CNTN6: variants seen among roughly 807,000 people sequenced by gnomAD.
The protein encoded by CNTN6 is contactin-6.
CNTN6 carries 137 observed loss-of-function variants against 122.8 expected under a neutral mutation model. The observed-to-expected ratio is 1.12, with a 90% confidence interval of 0.97 to 1.29. The LOEUF (loss-of-function observed/expected upper bound fraction) is 1.29, where lower values mean the gene tolerates loss of function less well. CNTN6 is among the 50% of genes most tolerant of loss of function. The probability of loss-of-function intolerance (pLI) is 0.00; values close to 1 mark genes in which losing one functional copy is unlikely to be tolerated. For missense variants in CNTN6, 1,634 were observed against 1,223.4 expected, an observed-to-expected ratio of 1.34 and a Z score of -5.01; for synonymous variants, 570 against 426.0, an observed-to-expected ratio of 1.34 and a Z score of -4.16.
chr3:1,375,648 T>G (rs1202362192), intron 16 of CNTN6, among the ~76,000 whole-genome samples: 4 of 152,098 alleles, frequency 2.6e-5, no homozygotes, highest in Non-Finnish European at 5.9e-5. Context: ...CACTATAAAT[T>G]CAGCAACTCT....
intron 3 of CNTN6, among the ~76,000 whole-genome samples, chr3:1,222,916 T>C (rs1379487186): frequency 6.6e-6 from 1 of 152,080 alleles, no homozygotes; most frequent in Non-Finnish European, 1.5e-5. Flanking sequence ...CAAGAAACTA[T>C]GGAAAGAGAG....
At chr3:1,228,515 T>A (rs370788142) in intron 4 of CNTN6, among the ~76,000 whole-genome samples, 115 of 152,276 alleles carry the variant, frequency 7.6e-4, no homozygotes, top group Middle Eastern at 3.4e-3. Flanking sequence ...ATCCAAGTAA[T>A]TACCCTGGTG....
At chr3:1,255,520 A>G (rs1310579822) in intron 4 of CNTN6, among the ~76,000 whole-genome samples, 2 of 152,244 alleles carry the variant, frequency 1.3e-5, no homozygotes, top group East Asian at 3.9e-4. Context: ...CAGGGACCAT[A>G]TTATGCTGGC....
chr3:1,317,241 T>C lies in CNTN6; in HGVS notation c.762-4409T>C, dbSNP rs561015413. On this transcript the variant is annotated intron_variant, in intron 7 of 22. Transcript: ENST00000446702. ...TTATTTTTTGATAATTTGTTGTTTT[T>C]TCTTGCTGTGAGGATTCTAAAATAT... Among the ~76,000 whole-genome samples, 9 of 151,758 alleles carry C rather than the reference T, an allele frequency of 5.9e-5. No homozygotes were observed. The East Asian group carries it at 1.8e-3, about 30-fold the overall frequency.
At chr3:1,304,681 G>A (rs373417102) in intron 7 of CNTN6, among the ~76,000 whole-genome samples, 5 of 152,168 alleles carry the variant, frequency 3.3e-5, no homozygotes, top group East Asian at 1.9e-4. Flanking sequence ...CAACAAGTAA[G>A]TTTTAATTTT....
intron 4 of CNTN6, among the ~76,000 whole-genome samples, chr3:1,278,102 GGACA>G (rs1692743976): frequency 6.6e-6 from 1 of 152,136 alleles, no homozygotes; most frequent in African/African-American, 2.4e-5. Flanking sequence ...CACCTTCCTT[GGACA>G]GACAAAGTAA....
intron 1 of CNTN6, among the ~76,000 whole-genome samples, chr3:1,113,905 C>G (rs1176755352): frequency 6.6e-6 from 1 of 152,170 alleles, no homozygotes; most frequent in South Asian, 2.1e-4. Context: ...AGATATCTCT[C>G]CATGACTACA....
chr3:1,254,185 T>C (rs936633668), intron 4 of CNTN6, among the ~76,000 whole-genome samples: 4 of 152,188 alleles, frequency 2.6e-5, no homozygotes, highest in Non-Finnish European at 4.4e-5. Context: ...TTTCATCTCG[T>C]GCTTTCTTTC....
At chr3:1,335,599 T>G (rs922048856) in intron 11 of CNTN6, among the ~76,000 whole-genome samples, 1 of 152,158 alleles carries the variant, frequency 6.6e-6, no homozygotes. Context: ...TTCAATGTTG[T>G]TCTCTGACAG....
intron 12 of CNTN6, among the ~76,000 whole-genome samples, chr3:1,358,565 A>G (rs533451914): frequency 6.6e-6 from 1 of 151,976 alleles, no homozygotes; most frequent in South Asian, 2.1e-4. Flanking sequence ...GCAAGTAGTT[A>G]CCAAATGCTT....
intron 7 of CNTN6, among the ~76,000 whole-genome samples, chr3:1,313,289 A>G (rs1699647869): frequency 6.6e-6 from 1 of 152,116 alleles, no homozygotes; most frequent in Non-Finnish European, 1.5e-5. Context: ...TTCATGTTTC[A>G]TGTGCAGATT....
At chr3:1,308,997 T>A (rs1434846461) in intron 7 of CNTN6, among the ~76,000 whole-genome samples, 1 of 152,208 alleles carries the variant, frequency 6.6e-6, no homozygotes, top group Non-Finnish European at 1.5e-5. Flanking sequence ...TTCTTATTGA[T>A]GAGCTTTAAG....
chr3:1,202,458 G>T (rs143762649), intron 2 of CNTN6, among the ~76,000 whole-genome samples: 50 of 149,340 alleles, frequency 3.3e-4, no homozygotes, highest in East Asian at 2.3e-3. Context: ...GAGAATGGCG[G>T]GAACCCCGGG....
intron 12 of CNTN6, among the ~76,000 whole-genome samples, chr3:1,356,005 G>T (rs751103427): frequency 6.6e-6 from 1 of 151,710 alleles, no homozygotes; most frequent in Non-Finnish European, 1.5e-5. Context: ...CTTTTCCAGC[G>T]CCTCAGAAGA....
At chr3:1,178,842 G>T (rs2093502043) in intron 2 of CNTN6, among the ~76,000 whole-genome samples, 1 of 152,182 alleles carries the variant, frequency 6.6e-6, no homozygotes, top group South Asian at 2.1e-4. Context: ...TTAGAGTGAG[G>T]ACTGGTTTGC....
At chr3:1,402,952 C>A (rs2126266920) in intron 22 of CNTN6, among the ~76,000 whole-genome samples, 1 of 152,110 alleles carries the variant, frequency 6.6e-6, no homozygotes, top group Non-Finnish European at 1.5e-5. Flanking sequence ...CTAAGCCAAC[C>A]AACACCAGTC....
At chr3:1,156,104 A>C (rs995448692) in intron 2 of CNTN6, among the ~76,000 whole-genome samples, 3 of 152,216 alleles carry the variant, frequency 2.0e-5, no homozygotes, top group African/African-American at 7.2e-5. Context: ...CCTTTATTCA[A>C]GTCAGACTGT....
At chr3:1,200,924 TC>T (rs57463760) in intron 2 of CNTN6, among the ~76,000 whole-genome samples, 1,318 of 122,856 alleles carry the variant, frequency 0.011, 17 homozygotes, top group African/African-American at 0.029. Context: ...TTTCTTTCGT[TC>T]TTTTTTTCTT....
Position 1,373,501 on chromosome 3 carries a change from T to C in CNTN6, c.1787-103T>C, listed in dbSNP as rs1256505560. ...TGTGCTATAAATACATTATGGTCAA[T>C]ATTTTACTTCCTAAGCACAACAGGT... On this transcript the variant is annotated intron_variant, in intron 14 of 22. Transcript: ENST00000446702. 29 of 1,056,316 alleles carry C rather than the reference T, an allele frequency of 2.7e-5. No individual in the cohort carries two copies. The East Asian group carries it at 3.0e-4, about 11-fold the overall frequency. 65.4% of individuals were successfully genotyped at this position (1,056,316 alleles called of 1,614,324 possible).
Sources: gnomAD v4.1 joint callset for allele counts (sites outside exome capture counted in the v4.1 genomes callset) on GRCh38, gnomAD v4.1.1 for gene constraint, MANE v1.5 for transcripts, NCBI Gene and HGNC (gene_info 2026-07-23, HGNC 2026-07-21) for gene names.